IQCH: variants seen among roughly 807,000 people sequenced by gnomAD.
IQCH encodes the protein IQ domain-containing protein H.
IQCH carries 98 observed loss-of-function variants against 117.0 expected under a neutral mutation model. The observed-to-expected ratio is 0.84, with a 90% CI of 0.71 to 0.99. The LOEUF (loss-of-function observed/expected upper bound fraction) is 0.99. Ranked by LOEUF, IQCH falls within the 50% of genes least tolerant of loss-of-function variation. The probability of loss-of-function intolerance (pLI) is 0.00; values close to 1 mark genes in which losing one functional copy is unlikely to be tolerated. For synonymous variants in IQCH, 412 were observed against 448.2 expected (o/e 0.92, Z 1.02); for missense variants, 1,102 against 1,243.8 (o/e 0.89, Z 1.72).
rs1969289224 is a variant in IQCH, at chr15:67,344,190, A to G, written c.636A>G (p.Val212=). 6.2e-7 allele frequency: 1 copy of G among 1,612,860 alleles called. No individual in the cohort carries two copies. The highest frequency in any genetic ancestry group is 8.5e-7 in the Non-Finnish European group (1 of 1,179,488). The change falls in exon 6 of 21, where the codon GTA becomes GTG. Residue 212 remains valine (V), a splice_region_variant and synonymous_variant. Coordinates refer to ENST00000335894, the MANE Select transcript of IQCH (RefSeq NM_001031715.3). ...ATGAAGCACGTAAGATTCCAACTGT[A>G]GGTAAGATACTCATGCATCTCAGTT... ...SFDEARKIPT[V]ATFTIPREPP... is the part of the protein sequence containing the mutation.
intron 4 of IQCH, among the ~76,000 whole-genome samples, chr15:67,321,530 TTTCCTTCC>T (rs920776931): frequency 2.7e-5 from 4 of 148,230 alleles, no homozygotes; most frequent in Non-Finnish European, 4.4e-5. Context: ...TCTTTCTTTC[TTTCCTTCC>T]TTCCTTCCTT....
At chr15:67,272,512 A>C (rs1965940271) in intron 3 of IQCH, among the ~76,000 whole-genome samples, 2 of 152,334 alleles carry the variant, frequency 1.3e-5, no homozygotes, top group East Asian at 1.9e-4. Flanking sequence ...TCCCTTACTG[A>C]AAGTGGGGTG....
rs776575211 is a variant in IQCH at position 67,254,880 on chromosome 15, C to A, written c.-17C>A. On this transcript the variant is annotated 5_prime_UTR_variant, in exon 1 of 21. Transcript: ENST00000335894. The stretch of plus-strand genomic sequence containing the variant: ...GAAACCGCGCCTCCGCGGAGGTAGC[C>A]GTTCCCTGACCTAGCCATGGCACAG... 5 of 1,612,780 alleles carry A rather than the reference C, an allele frequency of 3.1e-6. No homozygotes were observed. The highest frequency in any genetic ancestry group is 4.2e-6 in the Non-Finnish European group (5 of 1,179,198).
chr15:67,481,914 AG>A lies in IQCH; in HGVS notation c.2799+6098del, dbSNP rs2083349209. Among the ~76,000 whole-genome samples the A allele has an allele frequency of 6.6e-6, 1 of 152,236 alleles. No individual in the cohort carries two copies. Among genetic ancestry groups the A allele is most frequent in the Non-Finnish European group, 1.5e-5 (1 of 68,040 alleles). On this transcript the variant is annotated intron_variant, in intron 18 of 20. Coordinates refer to ENST00000335894, the MANE Select transcript of IQCH (RefSeq NM_001031715.3). This position sits in a 1 kb window ranked among gnomAD's most constrained non-coding sequence, Gnocchi z 4.1. ...CTTGGGCCCTCAACTATCTACAGGC[AG>A]GAAGTGGGTGAGAAAGTTTTAAAAT...
Position 67,400,115 on chromosome 15 carries a change from T to C in IQCH, c.1907T>C (p.Met636Thr). Residue 636 changes from methionine (M) to threonine (T), a missense_variant and splice_region_variant, in exon 14 of 21, where the codon ATG becomes ACG. By Grantham distance (81) the Met-to-Thr change is moderately conservative. Transcript: ENST00000335894. ...GIYDIYSQQQ[M>T]IEQLSQLITD... is the part of the protein sequence containing the mutation. ...GCAGCTGTGTCTTTGGCCTCACAGA[T>C]GATAGAGCAGCTGAGTCAGCTGATA... 5 of 1,613,342 alleles carry C rather than the reference T, an allele frequency of 3.1e-6. No homozygotes were observed. Among genetic ancestry groups the C allele is most frequent in the Non-Finnish European group, 4.2e-6 (5 of 1,179,504 alleles).
intron 4 of IQCH, among the ~76,000 whole-genome samples, chr15:67,284,055 A>G (rs557812144): frequency 9.2e-5 from 14 of 152,246 alleles, no homozygotes; most frequent in Admixed American, 5.9e-4. Flanking sequence ...AAACAATCCA[A>G]TTATACTCTT....
In IQCH at chr15:67,496,162, C is replaced by T. The variant is rs764764377; in HGVS notation, c.2970+1796C>T. Among the ~76,000 whole-genome samples the T allele has an allele frequency of 2.0e-5, 3 of 151,268 alleles. No individual in the cohort carries two copies. Among genetic ancestry groups the T allele is most frequent in the Admixed American group, 6.6e-5 (1 of 15,192 alleles). The stretch of plus-strand genomic sequence containing the variant: ...TGAAACCCCATCTCTACAAAAATTA[C>T]AAAAATTAGCCAGGTGTGGTGGCTC... On this transcript the variant is annotated intron_variant, in intron 20 of 20. Transcript: ENST00000335894. The surrounding 1 kb of genome is among the most constrained non-coding windows in gnomAD (Gnocchi z 4.4).
rs569507237 is a variant in IQCH, at chr15:67,328,240, C to A, written c.388-8735C>A. Among the ~76,000 whole-genome samples the A allele has an allele frequency of 8.6e-4, 131 of 152,076 alleles. 2 individuals carry two copies. Among genetic ancestry groups the A allele is most frequent in the Non-Finnish European group, 1.0e-3 (70 of 67,992 alleles). On this transcript the variant is annotated intron_variant, in intron 4 of 20. Coordinates refer to ENST00000335894, the MANE Select transcript of IQCH (RefSeq NM_001031715.3). ...TCTTTTATAAGCTGCTCCACCATTA[C>A]CATAAAAGTAATACTTGCTATTATA...
rs1211386228 is a variant in IQCH, at chr15:67,393,518, ATTTTTAT to A, written c.1633-1760_1633-1754del. On this transcript the variant is annotated intron_variant, in intron 12 of 20. Transcript: ENST00000335894. The surrounding 1 kb of genome is among the most constrained non-coding windows in gnomAD (Gnocchi z 5.5). ...ATTTGCATAACATTTTAATGACTTT[ATTTTTAT>A]TTTTTATTTTTTTGAGACAGGGTCT... Among the ~76,000 whole-genome samples, 1 of 151,846 alleles carries A rather than the reference ATTTTTAT, an allele frequency of 6.6e-6. No homozygotes were observed. The highest frequency in any genetic ancestry group is 2.4e-5 in the African/African-American group (1 of 41,324).
chr15:67,340,426 CAAAAAAAAAAAAAAAAAAAAAAAA>C (rs57244130), intron 5 of IQCH, among the ~76,000 whole-genome samples: 6 of 62,658 alleles, frequency 9.6e-5, no homozygotes, highest in Admixed American at 2.9e-4. Flanking sequence ...TACTCCATCT[CAAAAAAAAAAAAAAAAAAAAAAAA>C]AAAAAAAAAA....
intron 16 of IQCH, among the ~76,000 whole-genome samples, chr15:67,442,863 G>T (rs867240868): frequency 4.3e-5 from 5 of 115,936 alleles, no homozygotes; most frequent in African/African-American, 1.7e-4. Context: ...TAGATAGATA[G>T]ATATACATAT....
chr15:67,263,259 A>G, intron 3 of IQCH, 43 bp downstream of exon 3: 1 of 995,402 alleles, frequency 1.0e-6, no homozygotes, highest in East Asian at 2.4e-5. Context: ...AATAAAATTG[A>G]GAAATAACTT....
At position 67,443,160 on chromosome 15, in the gene IQCH, T is replaced by C. The variant is rs2082319617; in HGVS notation, c.2505+21583T>C. On this transcript the variant is annotated intron_variant, in intron 16 of 20. Transcript: ENST00000335894. This position sits in a 1 kb window ranked among gnomAD's most constrained non-coding sequence, Gnocchi z 5.0. ...GGCGCCCGCCACAGCGCCCGGCTAA[T>C]TTTTTGTATTTTTAGTAGAGACGGG... Among the ~76,000 whole-genome samples the C allele has an allele frequency of 6.6e-6, 1 of 152,002 alleles. No homozygotes were observed. Among genetic ancestry groups the C allele is most frequent in the Non-Finnish European group, 1.5e-5 (1 of 68,020 alleles).
chr15:67,367,059 G>T (rs1415771465), intron 8 of IQCH, among the ~76,000 whole-genome samples: 2 of 152,124 alleles, frequency 1.3e-5, no homozygotes, highest in East Asian at 3.8e-4. Context: ...ATCAAAATTA[G>T]AAGTGCCCTG....
chr15:67,472,896 C>T lies in IQCH; in HGVS notation c.2677-2800C>T, dbSNP rs1189594390. Among the ~76,000 whole-genome samples the T allele has an allele frequency of 1.3e-5, 2 of 152,174 alleles. No individual in the cohort carries two copies. The highest frequency in any genetic ancestry group is 4.8e-5 in the African/African-American group (2 of 41,440). ...CAGTCTGGGAGGAAGGGGAGTTGCA[C>T]TCTGCATCTGTAGTGAAGAAGAAAC... On this transcript the variant is annotated intron_variant, in intron 17 of 20. Coordinates refer to ENST00000335894, the MANE Select transcript of IQCH (RefSeq NM_001031715.3). This position sits in a 1 kb window ranked among gnomAD's most constrained non-coding sequence, Gnocchi z 4.3.
Position 67,395,441 on chromosome 15 carries a change from A to T in IQCH, c.1783A>T (p.Ile595Phe), listed in dbSNP as rs1156486424. ...LAVADMLDIPILGSEPELAHL... is the reference protein window; with the variant it reads ...LAVADMLDIPFLGSEPELAHL... ...TGTGGCCGATATGTTAGACATACCC[A>T]TCCTGGGCTCTGAGCCTGAACTAGC... The change falls in exon 13 of 21, where the codon ATC becomes TTC. Residue 595 changes from isoleucine to phenylalanine, a missense_variant. Physicochemically the swap from Ile to Phe is conservative, Grantham distance 21. Around this residue, in one of 2 missense-constraint regions of IQCH, gnomAD observed 650 missense variants for 794.3 expected, o/e 0.82. Transcript: ENST00000335894. The surrounding 1 kb of genome is among the most constrained non-coding windows in gnomAD (Gnocchi z 4.0). 1.2e-6 allele frequency: 2 copies of T among 1,614,108 alleles called. No homozygotes were observed. The highest frequency in any genetic ancestry group is 1.7e-6 in the Non-Finnish European group (2 of 1,179,986).
At chr15:67,452,744 T>A (rs1260965956) in intron 16 of IQCH, among the ~76,000 whole-genome samples, 1 of 152,270 alleles carries the variant, frequency 6.6e-6, no homozygotes, top group Non-Finnish European at 1.5e-5. Flanking sequence ...TGGCATTCTC[T>A]GTATTTCCTG....
At chr15:67,256,613 A>G (rs989243453) in intron 1 of IQCH, among the ~76,000 whole-genome samples, 3 of 152,216 alleles carry the variant, frequency 2.0e-5, no homozygotes, top group African/African-American at 7.2e-5. Context: ...TCTTTGGGTA[A>G]GGTTAATTCT....
In IQCH at chr15:67,391,330, C is replaced by G. The variant is rs906572903; in HGVS notation, c.1632+2324C>G. 2.0e-5 allele frequency among the ~76,000 whole-genome samples: 3 copies of G among 152,122 alleles called. No individual in the cohort carries two copies. Among genetic ancestry groups the G allele is most frequent in the Admixed American group, 2.0e-4 (3 of 15,274 alleles). ...TTAAATTCTCACTTTCAAATCAGTT[C>G]TTGTTCATGTTTGGTAGTTGCTTTA... On this transcript the variant is annotated intron_variant, in intron 12 of 20. Transcript: ENST00000335894. This position sits in a 1 kb window ranked among gnomAD's most constrained non-coding sequence, Gnocchi z 4.3.
Sources: gnomAD v4.1 joint callset for allele counts (sites outside exome capture counted in the v4.1 genomes callset) on GRCh38, gnomAD v4.1.1 for gene constraint, gnomAD v4.1.1 regional missense constraint, Gnocchi (gnomAD v3.1) non-coding constraint, MANE v1.5 for transcripts, NCBI Gene and HGNC (gene_info 2026-07-23, HGNC 2026-07-21) for gene names.